NRG3: variants seen among roughly 807,000 people sequenced by gnomAD.
NRG3 encodes the protein neuregulin 3.
NRG3 carries 31 observed loss-of-function variants against 66.9 expected under a neutral mutation model. The ratio of observed to expected loss-of-function variants is 0.46; its 90% confidence interval spans 0.35 to 0.63. The LOEUF (loss-of-function observed/expected upper bound fraction) is 0.63, where lower values mean the gene tolerates loss of function less well. Among genes scored for constraint, NRG3 ranks in the 20% least tolerant of loss-of-function variants. NRG3 has a pLI of 0.00. For synonymous variants in NRG3, 393 were observed against 359.4 expected, an observed-to-expected ratio of 1.09 and a Z score of -1.06; for missense variants, 910 against 878.9, an observed-to-expected ratio of 1.04 and a Z score of -0.45.
chr10:81,957,502 A>T (rs375175738), intron 1 of NRG3, among the ~76,000 whole-genome samples: 1 of 152,282 alleles, frequency 6.6e-6, no homozygotes, highest in East Asian at 1.9e-4. Context: ...TATTTCCTTC[A>T]TATACTTATC....
intron 1 of NRG3, among the ~76,000 whole-genome samples, chr10:82,210,911 T>C (rs2075362469): frequency 6.8e-6 from 1 of 147,558 alleles, no homozygotes; most frequent in Non-Finnish European, 1.5e-5. Context: ...TTGCATTTCA[T>C]TGGAACTTGG....
intron 2 of NRG3, among the ~76,000 whole-genome samples, chr10:82,530,844 A>G (rs945846776): frequency 3.9e-5 from 6 of 152,000 alleles, no homozygotes; most frequent in South Asian, 2.1e-4. Flanking sequence ...ATGAGTTTAT[A>G]TTGTATATTA....
In NRG3 at chr10:82,951,550, C is replaced by T; in HGVS notation, c.1136C>T (p.Ala379Val). 6.2e-7 allele frequency: 1 copy of T among 1,613,480 alleles called. No individual in the cohort carries two copies. Among genetic ancestry groups the T allele is most frequent in the Non-Finnish European group, 8.5e-7 (1 of 1,179,488 alleles). The change falls in exon 5 of 9, where the codon GCA becomes GTA. Residue 379 changes from alanine (A) to valine (V), a missense_variant. Coordinates refer to ENST00000372141, the MANE Select transcript of NRG3 (RefSeq NM_001010848.4). ...FGIVIVGMFC[A>V]AFYFKSKKQA... ...ATTGTCATCGTGGGCATGTTCTGTG[C>T]AGCATTCTACTTCAAAAGCAAGTAA...
At chr10:82,181,747 A>G (rs1322523148) in intron 1 of NRG3, among the ~76,000 whole-genome samples, 2 of 151,768 alleles carry the variant, frequency 1.3e-5, no homozygotes, top group South Asian at 2.1e-4. Flanking sequence ...ACTGACTGGA[A>G]TGATCCATAT....
At chr10:82,056,887 C>A (rs2063870874) in intron 1 of NRG3, among the ~76,000 whole-genome samples, 1 of 152,086 alleles carries the variant, frequency 6.6e-6, no homozygotes, top group Non-Finnish European at 1.5e-5. Flanking sequence ...TTTTTTCCCA[C>A]AGCTGTTTTT....
At chr10:82,813,017 G>A (rs1446560521) in intron 3 of NRG3, among the ~76,000 whole-genome samples, 1 of 152,042 alleles carries the variant, frequency 6.6e-6, no homozygotes, top group East Asian at 1.9e-4. Context: ...GCAACAGAAA[G>A]ACATTTTCAG....
At chr10:82,655,627 C>T (rs965883200) in intron 2 of NRG3, among the ~76,000 whole-genome samples, 8 of 152,254 alleles carry the variant, frequency 5.3e-5, no homozygotes, top group African/African-American at 1.9e-4. Flanking sequence ...AGCAATTTTA[C>T]TTCTACATAT....
At chr10:82,650,167 T>C (rs759793662) in intron 2 of NRG3, among the ~76,000 whole-genome samples, 1 of 152,200 alleles carries the variant, frequency 6.6e-6, no homozygotes, top group Admixed American at 6.5e-5. Context: ...ATTACGCTTC[T>C]TCTTTGTCAT....
chr10:82,358,300 C>T (rs888287428), intron 1 of NRG3, among the ~76,000 whole-genome samples: 1 of 152,026 alleles, frequency 6.6e-6, no homozygotes, highest in African/African-American at 2.4e-5. Flanking sequence ...AAAAAATCCC[C>T]CAAACTGACA....
chr10:82,918,201 G>T (rs1200999473), intron 4 of NRG3, among the ~76,000 whole-genome samples: 1 of 151,886 alleles, frequency 6.6e-6, no homozygotes, highest in East Asian at 1.9e-4. Context: ...TCAAGAGCAG[G>T]TTTCATAAAT....
intron 2 of NRG3, among the ~76,000 whole-genome samples, chr10:82,408,129 AAGAAAG>A (rs768937286): frequency 2.1e-3 from 266 of 128,956 alleles, no homozygotes; most frequent in Non-Finnish European, 2.7e-3. Context: ...GAAAGAAAGA[AAGAAAG>A]AAAGAAAGAA....
intron 1 of NRG3, among the ~76,000 whole-genome samples, chr10:82,357,607 A>G (rs1233141689): frequency 6.6e-6 from 1 of 152,186 alleles, no homozygotes; most frequent in Non-Finnish European, 1.5e-5. Context: ...ATAGGGAGTA[A>G]GAGCATGTCA....
chr10:82,886,274 ATG>A (rs879617723), intron 4 of NRG3, among the ~76,000 whole-genome samples: 6,074 of 152,230 alleles, frequency 0.04, 137 homozygotes, highest in Non-Finnish European at 0.054. Context: ...TTCTTTTCAT[ATG>A]CCCTCAATTT....
chr10:82,669,700 G>T (rs368768895), intron 2 of NRG3, among the ~76,000 whole-genome samples: 1 of 152,134 alleles, frequency 6.6e-6, no homozygotes, highest in East Asian at 1.9e-4. Context: ...AGGCCGAGGC[G>T]GGTGGATCAC....
intron 2 of NRG3, among the ~76,000 whole-genome samples, chr10:82,495,562 G>A (rs1198901996): frequency 2.0e-5 from 3 of 151,938 alleles, no homozygotes; most frequent in Non-Finnish European, 4.4e-5. Context: ...TTTTCCCAGA[G>A]TAATCTGGGA....
In NRG3 at chr10:82,042,743, A is replaced by G. The variant is rs573768975; in HGVS notation, c.823+166580A>G. On this transcript the variant is annotated intron_variant, in intron 1 of 8. Coordinates refer to ENST00000372141, the MANE Select transcript of NRG3 (RefSeq NM_001010848.4). ...AATGAAAAGTGTTCAGAATTTTTCA[A>G]CTATTAGGCTGTTTGAGTTATCTGT... Among the ~76,000 whole-genome samples, 5 of 152,166 alleles carry G rather than the reference A, an allele frequency of 3.3e-5. No homozygotes were observed. The South Asian group carries it at 1.0e-3, about 32-fold the overall frequency.
At chr10:82,173,915 T>A (rs2072831317) in intron 1 of NRG3, among the ~76,000 whole-genome samples, 2 of 152,160 alleles carry the variant, frequency 1.3e-5, no homozygotes, top group South Asian at 4.1e-4. Context: ...GCTTCAAGAC[T>A]CTTCATTGAC....
At chr10:82,543,472 T>C (rs1418942774) in intron 2 of NRG3, among the ~76,000 whole-genome samples, 1 of 152,204 alleles carries the variant, frequency 6.6e-6, no homozygotes, top group Non-Finnish European at 1.5e-5. Context: ...TGTCCATGTA[T>C]CTATCCACCA....
chr10:82,187,297 C>G lies in NRG3; in HGVS notation c.824-171442C>G, dbSNP rs951703123. Among the ~76,000 whole-genome samples the G allele has an allele frequency of 1.9e-4, 29 of 152,168 alleles. 1 individual carries two copies. The highest frequency in any genetic ancestry group is 5.5e-4 in the African/African-American group (23 of 41,552). On this transcript the variant is annotated intron_variant, in intron 1 of 8. Coordinates refer to ENST00000372141, the MANE Select transcript of NRG3 (RefSeq NM_001010848.4). Reference sequence around the variant, plus strand: ...TCCTAAAGCTTTGATTTGTTGCCTTCTTGAGAGGAGGTAGTTTTAATTCGC... The same window carrying G: ...TCCTAAAGCTTTGATTTGTTGCCTTGTTGAGAGGAGGTAGTTTTAATTCGC...
Sources: allele counts gnomAD v4.1 joint callset (sites outside exome capture counted in the v4.1 genomes callset), GRCh38; gene constraint gnomAD v4.1.1; transcripts MANE v1.5; gene names NCBI Gene and HGNC (gene_info 2026-07-23, HGNC 2026-07-21).